The following GDPD5 variants were observed in gnomAD, a reference collection of about 807,000 sequenced individuals.
GDPD5 encodes glycerophosphodiester phosphodiesterase 2.
Under a neutral mutation model 75.1 loss-of-function variants are expected in GDPD5, and 48 were observed. The ratio of observed to expected loss-of-function variants is 0.64; its 90% CI spans 0.51 to 0.81. The LOEUF is 0.81. GDPD5 is among the 40% of genes least tolerant of loss of function. GDPD5 has a pLI of 0.00. For synonymous variants in GDPD5, 336 were observed against 339.0 expected, an observed-to-expected ratio of 0.99 and a Z score of 0.10; for missense variants, 706 against 822.6, an observed-to-expected ratio of 0.86 and a Z score of 1.73.
chr11:75,500,002 G>C (rs1351028861), intron 1 of GDPD5, among the ~76,000 whole-genome samples: 1 of 152,168 alleles, frequency 6.6e-6, no homozygotes, highest in East Asian at 1.9e-4. Flanking sequence ...CTGCAGATAT[G>C]AAGACTGGCA....
chr11:75,523,116 C>T (rs988269874), intron 1 of GDPD5, among the ~76,000 whole-genome samples: 3 of 152,314 alleles, frequency 2.0e-5, no homozygotes, highest in Admixed American at 1.3e-4. Context: ...GGGATGGAAA[C>T]GGATATTTGG....
chr11:75,458,388 T>C (rs1301825494), intron 4 of GDPD5, among the ~76,000 whole-genome samples: 2 of 152,220 alleles, frequency 1.3e-5, no homozygotes, highest in South Asian at 2.1e-4. Context: ...AAAGTGCCTT[T>C]TGAAGCCAGG....
chr11:75,441,269 A>G lies in GDPD5; in HGVS notation c.1367T>C (p.Val456Ala). Residue 456 changes from valine (V) to alanine (A), a missense_variant, in exon 14 of 17, where the codon GTC becomes GCC. Physicochemically the swap from Val to Ala is moderately conservative, Grantham distance 64 (BLOSUM62 0). Coordinates refer to ENST00000336898, the MANE Select transcript of GDPD5 (RefSeq NM_030792.8). ...SWNLSVNLYT[V>A]NAPWLFSLLW... is the part of the protein sequence containing the mutation. ...CAGGGAGAAGAGCCACGGTGCGTTG[A>G]CTGTGTAGAGGTTCACACTCAGGTT... The G allele has an allele frequency of 6.2e-7, 1 of 1,614,106 alleles. No homozygotes were observed. The highest frequency in any genetic ancestry group is 2.2e-5 in the East Asian group (1 of 44,878).
At position 75,443,130 on chromosome 11, in the gene GDPD5, C is replaced by A. The variant is rs1429530881; in HGVS notation, c.948+6G>T. 12 of 1,597,518 alleles carry A rather than the reference C, an allele frequency of 7.5e-6. No individual in the cohort carries two copies. Among genetic ancestry groups the A allele is most frequent in the Non-Finnish European group, 1.0e-5 (12 of 1,171,706 alleles). On this transcript the variant is annotated splice_donor_region_variant and intron_variant, in intron 11 of 16. Coordinates refer to ENST00000336898, the MANE Select transcript of GDPD5 (RefSeq NM_030792.8). The stretch of plus-strand genomic sequence containing the variant: ...TGCCTAAGATTGGGATCAGGTGCAG[C>A]CAGACCTTCAGGAACCACTGGCCAG...
intron 14 of GDPD5, among the ~76,000 whole-genome samples, chr11:75,440,946 TCCCTGTGG>T (rs1948778904): frequency 1.3e-5 from 2 of 152,324 alleles, no homozygotes; most frequent in African/African-American, 4.8e-5. Context: ...GATGCTTTTC[TCCCTGTGG>T]ATGAGGCCCA....
intron 2 of GDPD5, among the ~76,000 whole-genome samples, chr11:75,481,950 T>G (rs1165282466): frequency 1.3e-5 from 2 of 151,854 alleles, no homozygotes; most frequent in African/African-American, 4.8e-5. Context: ...GACACACAAT[T>G]GGGGGCAGGG....
chr11:75,500,184 G>GGCCTCTC (rs1282393518), intron 1 of GDPD5, among the ~76,000 whole-genome samples: 1 of 151,982 alleles, frequency 6.6e-6, no homozygotes, highest in Non-Finnish European at 1.5e-5. Context: ...TCCTCCCTCT[G>GGCCTCTC]GCCTCTCCTC....
At chr11:75,498,796 C>T (rs1277554751) in intron 1 of GDPD5, among the ~76,000 whole-genome samples, 1 of 152,208 alleles carries the variant, frequency 6.6e-6, no homozygotes, top group Admixed American at 6.5e-5. Flanking sequence ...CCCTTTCTCA[C>T]AGCTGTCACT....
At chr11:75,447,072 G>A (rs1469634299) in intron 9 of GDPD5, among the ~76,000 whole-genome samples, 2 of 152,070 alleles carry the variant, frequency 1.3e-5, no homozygotes, top group African/African-American at 4.8e-5. Flanking sequence ...TAGTAGAGAT[G>A]GGGTTTCTCC....
At chr11:75,493,005 C>G (rs1289889444) in intron 1 of GDPD5, among the ~76,000 whole-genome samples, 1 of 152,122 alleles carries the variant, frequency 6.6e-6, no homozygotes, top group Non-Finnish European at 1.5e-5. Flanking sequence ...GCTGGGATTA[C>G]AGTTATGAGC....
At chr11:75,518,102 G>A (rs1350185074) in intron 1 of GDPD5, among the ~76,000 whole-genome samples, 2 of 152,248 alleles carry the variant, frequency 1.3e-5, no homozygotes, top group Admixed American at 1.3e-4. Flanking sequence ...GCTGGGGCAG[G>A]GAGTTCAGGG....
intron 1 of GDPD5, among the ~76,000 whole-genome samples, chr11:75,522,546 T>G (rs992149559): frequency 4.6e-5 from 7 of 152,028 alleles, no homozygotes; most frequent in Admixed American, 2.0e-4. Flanking sequence ...CTCAGCTAGC[T>G]TGGTTCCCAG....
chr11:75,436,906 C>T, intron 16 of GDPD5, 30 bp downstream of exon 16: 1 of 1,561,184 alleles, frequency 6.4e-7, no homozygotes, highest in South Asian at 1.1e-5. Flanking sequence ...GGCCCAGGGC[C>T]TGCCTCCACC....
At chr11:75,461,411 C>T (rs910250507) in intron 4 of GDPD5, among the ~76,000 whole-genome samples, 4 of 152,136 alleles carry the variant, frequency 2.6e-5, no homozygotes, top group Non-Finnish European at 5.9e-5. Context: ...GGGGTGGGAC[C>T]GCAGCATATT....
intron 6 of GDPD5, chr11:75,456,536 A>G: frequency 1.7e-6 from 1 of 578,708 alleles, no homozygotes; most frequent in Non-Finnish European, 3.1e-6. Flanking sequence ...AAATGGAATG[A>G]TAACAGTACC....
At chr11:75,444,169 T>G (rs779438189) in intron 10 of GDPD5, among the ~76,000 whole-genome samples, 8 of 152,202 alleles carry the variant, frequency 5.3e-5, no homozygotes, top group Non-Finnish European at 8.8e-5. Flanking sequence ...AGCTCTATCA[T>G]CTATTTTTCC....
chr11:75,460,351 A>G (rs1283980436), intron 4 of GDPD5, among the ~76,000 whole-genome samples: 1 of 151,948 alleles, frequency 6.6e-6, no homozygotes, highest in East Asian at 1.9e-4. Context: ...CCTGGAGTGC[A>G]GTGGTCTCCC....
intron 1 of GDPD5, among the ~76,000 whole-genome samples, chr11:75,501,238 C>T (rs940009265): frequency 2.6e-5 from 4 of 152,250 alleles, no homozygotes; most frequent in Admixed American, 6.5e-5. Context: ...GGCCCCTCCT[C>T]GCACTTAGCC....
chr11:75,492,473 AGTAGT>A (rs1950126442), intron 1 of GDPD5: 1 of 152,312 alleles, frequency 6.6e-6, no homozygotes, highest in African/African-American at 2.4e-5. Context: ...CAGATGGCTT[AGTAGT>A]GGAAGCTGGT....
Sources: allele counts gnomAD v4.1 joint callset (sites outside exome capture counted in the v4.1 genomes callset), GRCh38; gene constraint gnomAD v4.1.1; transcripts MANE v1.5; gene names NCBI Gene and HGNC (gene_info 2026-07-23, HGNC 2026-07-21).